ASS1: variants seen among roughly 807,000 people sequenced by gnomAD.
The protein encoded by ASS1 is argininosuccinate synthase.
A neutral mutation model predicts 60.5 loss-of-function variants in ASS1; 58 were observed. The observed-to-expected ratio is 0.96, with a 90% CI of 0.78 to 1.19. The LOEUF is 1.19. ASS1 is among the 50% of genes most tolerant of loss of function. The pLI, the probability that ASS1 is intolerant of heterozygous loss-of-function variation, is 0.00. For synonymous variants in ASS1, 200 were observed against 206.9 expected (o/e 0.97, Z 0.29); for missense variants, 454 against 547.3 (o/e 0.83, Z 1.70).
At chr9:130,493,657 C>T (rs903408642) in intron 12 of ASS1, among the ~76,000 whole-genome samples, 4 of 152,216 alleles carry the variant, frequency 2.6e-5, no homozygotes, top group East Asian at 1.9e-4. Flanking sequence ...GGAGATCATG[C>T]GCCATCTGGC....
intron 8 of ASS1, among the ~76,000 whole-genome samples, chr9:130,472,913 A>G (rs1186963654): frequency 6.6e-6 from 1 of 152,174 alleles, no homozygotes; most frequent in Non-Finnish European, 1.5e-5. Flanking sequence ...CTATGGGGGC[A>G]GAGAGGAGGC....
Position 130,489,348 on chromosome 9 carries a change from C to T in ASS1, c.854C>T (p.Pro285Leu). The change falls in exon 12 of 15, where the codon CCA becomes CTA. Residue 285 changes from proline to leucine, a missense_variant. By Grantham distance (98) the Pro-to-Leu change is moderately conservative. Transcript: ENST00000352480. The surrounding 1 kb of genome is among the most constrained non-coding windows in gnomAD (Gnocchi z 4.1). ...GMKSRGIYETPAGTILYHAHL... is the reference protein window; with the variant it reads ...GMKSRGIYETLAGTILYHAHL... ...AAATGGCTAGGTATCTACGAGACCC[C>T]AGCAGGCACCATCCTTTACCATGCT... 1 of 1,613,950 alleles carries T rather than the reference C, an allele frequency of 6.2e-7. No homozygotes were observed. Among genetic ancestry groups the T allele is most frequent in the Non-Finnish European group, 8.5e-7 (1 of 1,180,010 alleles).
intron 3 of ASS1, among the ~76,000 whole-genome samples, chr9:130,454,961 CATCTA>C (rs1845411149): frequency 6.7e-6 from 1 of 150,128 alleles, no homozygotes; most frequent in Non-Finnish European, 1.5e-5. Context: ...TCCATCTATC[CATCTA>C]TCCATCCATC....
At chr9:130,498,740 G>A (rs1822469023) in intron 13 of ASS1, among the ~76,000 whole-genome samples, 1 of 152,208 alleles carries the variant, frequency 6.6e-6, no homozygotes, top group Non-Finnish European at 1.5e-5. Context: ...TGGGCTCTCT[G>A]GTGGCGGGTG....
intron 8 of ASS1, among the ~76,000 whole-genome samples, chr9:130,473,188 T>C (rs1210009671): frequency 3.9e-5 from 6 of 152,172 alleles, no homozygotes; most frequent in African/African-American, 1.4e-4. Flanking sequence ...ATCCCAACTT[T>C]TCTTCTTATT....
rs1036284939 is a variant in ASS1 at position 130,458,409 on chromosome 9, T to C, written c.183T>C (p.Ile61=). ...ALKLGAKKVF[I]EDVSREFVEE... ...GGCTCCTCTTCCCGTAGGTGTTCATTGAGGATGTCAGCAGGGAGTTTGTGG... is the reference window on the plus strand; with the variant it reads ...GGCTCCTCTTCCCGTAGGTGTTCATCGAGGATGTCAGCAGGGAGTTTGTGG... Residue 61 remains isoleucine, a synonymous_variant, in exon 4 of 15, where the codon ATT becomes ATC. Coordinates refer to ENST00000352480, the MANE Select transcript of ASS1 (RefSeq NM_054012.4). The C allele has an allele frequency of 1.2e-6, 2 of 1,611,822 alleles. No individual in the cohort carries two copies. The highest frequency in any genetic ancestry group is 1.7e-6 in the Non-Finnish European group (2 of 1,179,836).
intron 5 of ASS1, among the ~76,000 whole-genome samples, chr9:130,464,724 G>A (rs1161842743): frequency 6.6e-6 from 1 of 152,152 alleles, no homozygotes; most frequent in African/African-American, 2.4e-5. Flanking sequence ...ACCCAGGCAG[G>A]AGGGCACCTG....
rs747096507 is a variant in ASS1, at chr9:130,499,501, G to A, written c.1128-4G>A. ...GAGCTGACAAGCTTCTACTCTCCTTGCAGCATGAACGTGCAGGGTGATTAT... is the reference window on the plus strand; with the variant it reads ...GAGCTGACAAGCTTCTACTCTCCTTACAGCATGAACGTGCAGGGTGATTAT... On this transcript the variant is annotated splice_region_variant and splice_polypyrimidine_tract_variant and intron_variant, in intron 13 of 14. Transcript: ENST00000352480. 1 of 1,613,484 alleles carries A rather than the reference G, an allele frequency of 6.2e-7. No homozygotes were observed. Among genetic ancestry groups the A allele is most frequent in the Non-Finnish European group, 8.5e-7 (1 of 1,179,784 alleles).
intron 1 of ASS1, among the ~76,000 whole-genome samples, chr9:130,451,158 C>G (rs1266134295): frequency 6.6e-6 from 1 of 152,080 alleles, no homozygotes; most frequent in Non-Finnish European, 1.5e-5. Flanking sequence ...CAAGGGCAGC[C>G]CAGGATTCAG....
intron 7 of ASS1, among the ~76,000 whole-genome samples, 178 bp from the exon 8 acceptor site, chr9:130,471,307 G>C (rs575667806): frequency 6.6e-6 from 1 of 152,206 alleles, no homozygotes; most frequent in African/African-American, 2.4e-5. Flanking sequence ...CTTACAACCT[G>C]CAGCTCCACG....
chr9:130,471,637 GGGGCCGA>G, intron 8 of ASS1, 122 bp downstream of exon 8: 1 of 1,241,084 alleles, frequency 8.1e-7, no homozygotes, highest in Non-Finnish European at 1.2e-6. Flanking sequence ...CCGTGGGGCT[GGGGCCGA>G]GCCCTGCCTG....
intron 8 of ASS1, among the ~76,000 whole-genome samples, chr9:130,472,710 C>A (rs1249835165): frequency 6.6e-6 from 1 of 152,186 alleles, no homozygotes. Flanking sequence ...TTTTCTAGTT[C>A]ATGCTCTGCT....
chr9:130,486,701 G>T (rs1028616734), intron 11 of ASS1, among the ~76,000 whole-genome samples: 4 of 152,184 alleles, frequency 2.6e-5, no homozygotes, highest in African/African-American at 9.6e-5. Flanking sequence ...CAATGAAGCG[G>T]GATGGGCTCT....
rs760675113 is a variant in ASS1 at position 130,471,474 on chromosome 9, C to T, written c.567-11C>T. On this transcript the variant is annotated splice_polypyrimidine_tract_variant and intron_variant, in intron 7 of 14. Transcript: ENST00000352480. ...CCCCAGCTGACCCTGTCTTTCCTTT[C>T]CCCTCCGCAGCTACGAGGCTGGAAT... 3.7e-6 allele frequency: 6 copies of T among 1,614,132 alleles called. No individual in the cohort carries two copies. Among genetic ancestry groups the T allele is most frequent in the Non-Finnish European group, 5.1e-6 (6 of 1,179,984 alleles).
Position 130,477,571 on chromosome 9 carries a change from G to A in ASS1, c.688+610G>A, listed in dbSNP as rs1564154797. ...CTTCTCACTGCTGTCAACAAGAAGC[G>A]TTTGCTGACCTGGCCTGAGTGCCTG... On this transcript the variant is annotated intron_variant, in intron 9 of 14. Transcript: ENST00000352480. This position sits in a 1 kb window ranked among gnomAD's most constrained non-coding sequence, Gnocchi z 4.2. 6.6e-6 allele frequency among the ~76,000 whole-genome samples: 1 copy of A among 152,258 alleles called. No individual in the cohort carries two copies. Among genetic ancestry groups the A allele is most frequent in the Non-Finnish European group, 1.5e-5 (1 of 68,048 alleles).
rs1260095254 is a variant in ASS1, at chr9:130,476,507, G to A, written c.598-364G>A. On this transcript the variant is annotated intron_variant, in intron 8 of 14. Transcript: ENST00000352480. The surrounding 1 kb of genome is among the most constrained non-coding windows in gnomAD (Gnocchi z 4.9). ...GAATAAACCCCAATCCCGAGCCGGCGAGAGCGTGCGTGCCGCTCCTGGGAA... is the reference window on the plus strand; with the variant it reads ...GAATAAACCCCAATCCCGAGCCGGCAAGAGCGTGCGTGCCGCTCCTGGGAA... The A allele has an allele frequency of 4.8e-6, 2 of 413,812 alleles. No homozygotes were observed. Among genetic ancestry groups the A allele is most frequent in the Non-Finnish European group, 9.1e-6 (2 of 220,388 alleles). 25.6% of individuals were successfully genotyped at this position (413,812 alleles called of 1,614,324 possible). A position where few individuals can be genotyped will look rare whatever the true frequency, so the allele number is the denominator to read the frequency against.
chr9:130,473,618 T>A (rs1326874847), intron 8 of ASS1, among the ~76,000 whole-genome samples: 1 of 152,182 alleles, frequency 6.6e-6, no homozygotes, highest in African/African-American at 2.4e-5. Flanking sequence ...CTTGCATCCC[T>A]GGACCTGGCA....
chr9:130,449,816 G>A (rs1356118965), intron 1 of ASS1, among the ~76,000 whole-genome samples: 1 of 152,108 alleles, frequency 6.6e-6, no homozygotes, highest in African/African-American at 2.4e-5. Context: ...GCATCCGCAC[G>A]CCGAAACTTG....
At chr9:130,496,593 TAAAAAAAAAAAAA>T (rs56807719) in intron 13 of ASS1, among the ~76,000 whole-genome samples, 8 of 105,954 alleles carry the variant, frequency 7.6e-5, no homozygotes, top group Admixed American at 1.0e-4. Context: ...ACTGTCTCTT[TAAAAAAAAAAAAA>T]AAAAAAAAAA....
Sources: allele counts gnomAD v4.1 joint callset (sites outside exome capture counted in the v4.1 genomes callset), GRCh38; gene constraint gnomAD v4.1.1; non-coding constraint Gnocchi (gnomAD v3.1); transcripts MANE v1.5; gene names NCBI Gene and HGNC (gene_info 2026-07-23, HGNC 2026-07-21).